The following OCA2 variants were observed in gnomAD, a reference collection of about 807,000 sequenced individuals.
OCA2 encodes the protein P protein.
OCA2 carries 77 observed loss-of-function variants against 100.2 expected under a neutral mutation model. That is an observed-to-expected ratio of 0.77 (90% confidence interval 0.64 to 0.93). The LOEUF is 0.93. Among genes scored for constraint, OCA2 ranks in the 40% least tolerant of loss-of-function variants. OCA2 has a pLI of 0.00. For missense variants in OCA2, 1,062 were observed against 1,089.1 expected (o/e 0.98, Z 0.35); for synonymous variants, 432 against 439.2 (o/e 0.98, Z 0.21).
the OCA2 span, among the ~76,000 whole-genome samples, chr15:27,729,289 ATTTTTTTTTT>A: frequency 9.0e-6 from 1 of 111,218 alleles, no homozygotes; most frequent in African/African-American, 3.2e-5. Flanking sequence ...ATTATCATCT[ATTTTTTTTTT>A]TTTTTTTTTT....
At chr15:27,966,547 C>A in intron 15 of OCA2, 143 bp downstream of exon 15, 1 of 851,214 alleles carries the variant, frequency 1.2e-6, no homozygotes, top group Admixed American at 1.9e-5. Flanking sequence ...ACAGTGTATA[C>A]TAGAAGGTGG....
intron 21 of OCA2, among the ~76,000 whole-genome samples, chr15:27,868,022 C>G (rs1004355538): frequency 6.6e-6 from 1 of 152,184 alleles, no homozygotes; most frequent in Non-Finnish European, 1.5e-5. Flanking sequence ...GTGGGAGGAG[C>G]TGGGGCAGGA....
the OCA2 span, among the ~76,000 whole-genome samples, chr15:27,746,526 T>C: frequency 6.6e-6 from 1 of 151,976 alleles, no homozygotes; most frequent in Non-Finnish European, 1.5e-5. Flanking sequence ...ACTACTTAAC[T>C]AGAAAGAAAA....
At chr15:28,020,116 C>T (rs1296772153) in intron 6 of OCA2, among the ~76,000 whole-genome samples, 1 of 152,078 alleles carries the variant, frequency 6.6e-6, no homozygotes, top group Non-Finnish European at 1.5e-5. Flanking sequence ...GAGACAGCTC[C>T]CCGCCCCCAC....
intron 23 of OCA2, among the ~76,000 whole-genome samples, chr15:27,816,549 C>G (rs933659373): frequency 6.6e-6 from 1 of 152,176 alleles, no homozygotes; most frequent in African/African-American, 2.4e-5. Context: ...AGAACCTCCT[C>G]CCAGCCACTG....
intron 23 of OCA2, among the ~76,000 whole-genome samples, chr15:27,766,371 T>C (rs1250505104): frequency 6.6e-6 from 1 of 152,154 alleles, no homozygotes; most frequent in Non-Finnish European, 1.5e-5. Context: ...CTGAAAAGAA[T>C]GTGTGCTCAG....
In OCA2 at chr15:28,081,882, T is replaced by C. The variant is rs1291810937; in HGVS notation, c.-8A>G. The C allele has an allele frequency of 9.9e-6, 16 of 1,608,086 alleles. No individual in the cohort carries two copies. The highest frequency in any genetic ancestry group is 1.7e-5 in the Admixed American group (1 of 59,720). On this transcript the variant is annotated 5_prime_UTR_variant, in exon 2 of 24. Transcript: ENST00000354638. ...TCTGCCCTCCAGATGCATGCTCCAC[T>C]GCCAGTCTTCTCTCTAGGGCAGCCA...
At chr15:27,964,990 G>A (rs573088760) in intron 15 of OCA2, among the ~76,000 whole-genome samples, 5 of 152,298 alleles carry the variant, frequency 3.3e-5, no homozygotes, top group African/African-American at 1.2e-4. Flanking sequence ...CTAAATCTGT[G>A]TATCCCAAAT....
rs1024467465 is a variant in OCA2 at position 28,032,134 on chromosome 15, C to G, written c.257G>C (p.Ser86Thr). ...RSHSSLPQMSSSRSKDSCFTE... is the reference protein window; with the variant it reads ...RSHSSLPQMSTSRSKDSCFTE... ...AAAGCAGGAATCTTTAGACCTGGAG[C>G]TGGACATCTGGGGCAAAGAAGAGTG... Residue 86 changes from serine to threonine, a missense_variant, in exon 3 of 24, where the codon AGC (serine) becomes ACC (threonine). By Grantham distance (58) the Ser-to-Thr change is moderately conservative. Transcript: ENST00000354638. 8 of 1,613,948 alleles carry G rather than the reference C, an allele frequency of 5.0e-6. No homozygotes were observed. Among genetic ancestry groups the G allele is most frequent in the Middle Eastern group, 1.6e-4 (1 of 6,062 alleles).
chr15:27,788,943 T>C (rs920650658), intron 23 of OCA2, among the ~76,000 whole-genome samples: 5 of 152,114 alleles, frequency 3.3e-5, no homozygotes, highest in African/African-American at 9.7e-5. Context: ...TGGCCTAGAT[T>C]AATAACTAAC....
intron 2 of OCA2, among the ~76,000 whole-genome samples, chr15:28,071,678 C>G (rs953874292): frequency 6.6e-6 from 1 of 152,200 alleles, no homozygotes; most frequent in African/African-American, 2.4e-5. Flanking sequence ...AGAGGACTCC[C>G]TATTCAATAA....
At chr15:28,054,403 G>T (rs569122618) in intron 2 of OCA2, among the ~76,000 whole-genome samples, 2 of 152,284 alleles carry the variant, frequency 1.3e-5, no homozygotes, top group East Asian at 3.9e-4. Context: ...AATGGCTCCT[G>T]CAGGCACAGC....
chr15:27,729,522 G>A, the OCA2 span, among the ~76,000 whole-genome samples: 4 of 152,152 alleles, frequency 2.6e-5, no homozygotes, highest in African/African-American at 7.2e-5. Flanking sequence ...AAATCAAGGT[G>A]TTGGGAGGCT....
chr15:27,956,559 C>CT (rs999042091), intron 16 of OCA2, among the ~76,000 whole-genome samples: 4 of 152,170 alleles, frequency 2.6e-5, no homozygotes, highest in African/African-American at 9.6e-5. Flanking sequence ...CTGAGTGTGT[C>CT]TTTAACACCC....
intron 23 of OCA2, among the ~76,000 whole-genome samples, chr15:27,808,688 C>T (rs545322965): frequency 2.0e-5 from 3 of 152,270 alleles, no homozygotes; most frequent in Admixed American, 2.0e-4. Context: ...GTAGGGAGCA[C>T]TGCGCACTTG....
chr15:28,097,974 G>A (rs887037349), intron 1 of OCA2, among the ~76,000 whole-genome samples: 3 of 152,164 alleles, frequency 2.0e-5, no homozygotes, highest in African/African-American at 7.2e-5. Flanking sequence ...TAGAAACGGG[G>A]ACCCAGGTGA....
At chr15:27,869,962 C>T (rs995054196) in intron 21 of OCA2, among the ~76,000 whole-genome samples, 21 of 152,334 alleles carry the variant, frequency 1.4e-4, no homozygotes, top group African/African-American at 4.8e-4. Flanking sequence ...TAACAGCCAC[C>T]GAGTTAGTTC....
chr15:28,014,753 G>A (rs765740469), intron 9 of OCA2, 23 bp downstream of exon 9: 43 of 1,608,746 alleles, frequency 2.7e-5, no homozygotes, highest in Middle Eastern at 1.7e-4. Flanking sequence ...CAGACAGATC[G>A]GGGGAGCAGG....
At chr15:27,831,303 A>AAAAAAAAAAAAAC (rs1337827985) in intron 23 of OCA2, among the ~76,000 whole-genome samples, 4 of 151,072 alleles carry the variant, frequency 2.6e-5, no homozygotes, top group Admixed American at 6.6e-5. Context: ...AAAAAAAAAA[A>AAAAAAAAAAAAAC]AAATCGGTCT....
Sources: gnomAD v4.1 joint callset for allele counts (sites outside exome capture counted in the v4.1 genomes callset) on GRCh38, gnomAD v4.1.1 for gene constraint, MANE v1.5 for transcripts, NCBI Gene and HGNC (gene_info 2026-07-23, HGNC 2026-07-21) for gene names.